The following ABCC11 variants were observed in gnomAD, a reference collection of about 807,000 sequenced individuals.
ABCC11 encodes the protein ATP-binding cassette sub-family C member 11.
Under a neutral mutation model 149.3 loss-of-function variants are expected in ABCC11, and 135 were observed. The ratio of observed to expected loss-of-function variants is 0.90; its 90% confidence interval spans 0.79 to 1.04. The LOEUF is 1.04. Among genes scored for constraint, ABCC11 ranks in the 50% least tolerant of loss-of-function variants. The pLI is 0.00. For missense variants in ABCC11, 1,680 were observed against 1,722.1 expected (o/e 0.98, Z 0.43); for synonymous variants, 665 against 671.4 (o/e 0.99, Z 0.15).
At chr16:48,232,966 G>C (rs1323956611) in intron 1 of ABCC11, among the ~76,000 whole-genome samples, 1 of 152,218 alleles carries the variant, frequency 6.6e-6, no homozygotes, top group African/African-American at 2.4e-5. Flanking sequence ...TTGGGAGGCT[G>C]AGGCGGGAGG....
At position 48,200,291 on chromosome 16, in the gene ABCC11, C is replaced by T. The variant is rs776582417; in HGVS notation, c.2067G>A (p.Val689=). ...GGGTGCTAACCTGCAGCTGGTGGGT[C>T]ACCAGGACGACCGTCTTCCCCCTGA... is the stretch of plus-strand genomic sequence containing the variant. ...KTLRGKTVVL[V]THQLQYLEFC... The change falls in exon 15 of 30, where the codon GTG becomes GTA. Residue 689 remains valine (V), a synonymous_variant. Transcript: ENST00000356608. 4.7e-5 allele frequency: 76 copies of T among 1,614,050 alleles called. No individual in the cohort carries two copies. The highest frequency in any genetic ancestry group is 1.0e-4 in the Admixed American group (6 of 60,024).
intron 11 of ABCC11, among the ~76,000 whole-genome samples, chr16:48,208,842 G>A (rs1968667249): frequency 6.6e-6 from 1 of 152,090 alleles, no homozygotes; most frequent in African/African-American, 2.4e-5. Flanking sequence ...TTGTGAAATG[G>A]GAATAAAGAA....
chr16:48,247,198 GC>G (rs1413292808), intron 1 of ABCC11, 115 bp downstream of exon 1: 1 of 151,280 alleles, frequency 6.6e-6, no homozygotes, highest in East Asian at 1.9e-4. Context: ...CTCTAATAGG[GC>G]CTTTAAAACA....
intron 28 of ABCC11, among the ~76,000 whole-genome samples, chr16:48,168,676 C>T (rs757230755): frequency 3.3e-5 from 5 of 152,098 alleles, no homozygotes; most frequent in African/African-American, 2.4e-5. Flanking sequence ...AGCCCTGTTC[C>T]GCCAAATTTT....
At position 48,176,979 on chromosome 16, in the gene ABCC11, G is replaced by T; in HGVS notation, c.3483C>A (p.Ile1161=). 1 of 1,614,220 alleles carries T rather than the reference G, an allele frequency of 6.2e-7. No homozygotes were observed. The highest frequency in any genetic ancestry group is 1.1e-5 in the South Asian group (1 of 91,080). ...CTTCGTGGCCGCGGATGGTCAGGTT[G>T]ATGCCGTGAAGCACGGTGGGTGTGT... ...RDNTPTVLHG[I]NLTIRGHEVV... The change falls in exon 25 of 30, where the codon ATC becomes ATA. Residue 1161 remains isoleucine (I), a synonymous_variant. Coordinates refer to ENST00000356608, the MANE Select transcript of ABCC11 (RefSeq NM_001370497.1).
chr16:48,179,965 A>C lies in ABCC11; in HGVS notation c.3259-1279T>G, dbSNP rs74016303. Among the ~76,000 whole-genome samples, 783 of 152,340 alleles carry C rather than the reference A, an allele frequency of 5.1e-3. 6 individuals are homozygous for C. Among genetic ancestry groups the C allele is most frequent in the African/African-American group, 0.018 (733 of 41,578 alleles). On this transcript the variant is annotated intron_variant, in intron 23 of 29. Transcript: ENST00000356608. ...GGGGAAGCCCTCTGTAAGTCAGAGA[A>C]GGTGGGCACCATGATGAAATGGTGC...
At chr16:48,201,356 C>A (rs911143466) in intron 14 of ABCC11, among the ~76,000 whole-genome samples, 1 of 152,164 alleles carries the variant, frequency 6.6e-6, no homozygotes, top group Non-Finnish European at 1.5e-5. Flanking sequence ...TCATGGCTTA[C>A]TGCGACCTCC....
intron 14 of ABCC11, among the ~76,000 whole-genome samples, chr16:48,202,275 T>C (rs1215853173): frequency 6.6e-6 from 1 of 152,140 alleles, no homozygotes; most frequent in Non-Finnish European, 1.5e-5. Flanking sequence ...AATAAGATCA[T>C]TGAGCTCTCT....
rs1433540890 is a variant in ABCC11, at chr16:48,167,617, G to C, written c.3935C>G (p.Thr1312Arg). 6.2e-7 allele frequency: 1 copy of C among 1,614,070 alleles called. No homozygotes were observed. Among genetic ancestry groups the C allele is most frequent in the Non-Finnish European group, 8.5e-7 (1 of 1,180,044 alleles). ...GATTGTGCGCTGGATCAGGGTGTCT[G>C]TCTCCATGTCAATGGAGGCTGTGGC... ...DEATASIDME[T>R]DTLIQRTIRE... The change falls in exon 29 of 30, where the codon ACA (threonine) becomes AGA (arginine). Residue 1312 changes from threonine (T) to arginine (R), a missense_variant. By Grantham distance (71) the Thr-to-Arg change is moderately conservative. Transcript: ENST00000356608.
chr16:48,212,750 G>C (rs956121949), intron 10 of ABCC11, among the ~76,000 whole-genome samples: 2 of 152,234 alleles, frequency 1.3e-5, no homozygotes, highest in East Asian at 3.8e-4. Context: ...GCATTAATGA[G>C]TGAATGAGTG....
chr16:48,213,392 G>T, intron 10 of ABCC11, 51 bp downstream of exon 10: 1 of 1,510,262 alleles, frequency 6.6e-7, no homozygotes, highest in Non-Finnish European at 9.2e-7. Context: ...GGGGCTGAAG[G>T]CAGAGGAGCG....
intron 1 of ABCC11, chr16:48,244,392 T>A: frequency 1.3e-6 from 2 of 1,547,320 alleles, no homozygotes; most frequent in Non-Finnish European, 1.7e-6. Flanking sequence ...TGCCAGCATG[T>A]CATCAGTGAG....
At chr16:48,170,729 C>T (rs1332560626) in intron 27 of ABCC11, among the ~76,000 whole-genome samples, 160 bp downstream of exon 27, 1 of 152,170 alleles carries the variant, frequency 6.6e-6, no homozygotes, top group Non-Finnish European at 1.5e-5. Flanking sequence ...GTGCCATCAG[C>T]CTTGACTTAG....
At chr16:48,204,673 C>T (rs1785027671) in intron 13 of ABCC11, among the ~76,000 whole-genome samples, 1 of 152,128 alleles carries the variant, frequency 6.6e-6, no homozygotes, top group Non-Finnish European at 1.5e-5. Flanking sequence ...ACAGAGACAG[C>T]CAGTTCCTAC....
At chr16:48,233,808 G>A (rs1055680821) in intron 1 of ABCC11, among the ~76,000 whole-genome samples, 3 of 152,182 alleles carry the variant, frequency 2.0e-5, no homozygotes, top group Non-Finnish European at 2.9e-5. Context: ...GTTGCAATTG[G>A]TGATTAAGTA....
At chr16:48,189,105 CAATTTTATTTCCAG>C (rs901014409) in intron 20 of ABCC11, among the ~76,000 whole-genome samples, 1 of 152,192 alleles carries the variant, frequency 6.6e-6, no homozygotes, top group African/African-American at 2.4e-5. Flanking sequence ...AAAATCCCTT[CAATTTTATTTCCAG>C]AATGTTTTAT....
intron 12 of ABCC11, 26 bp from the exon 13 acceptor site, chr16:48,205,563 G>A (rs1968366312): frequency 6.2e-7 from 1 of 1,611,466 alleles, no homozygotes; most frequent in Non-Finnish European, 8.5e-7. Flanking sequence ...TCCAGCCTCA[G>A]GACCAATTGG....
At chr16:48,216,318 G>A (rs1969341868) in intron 6 of ABCC11, 31 bp from the exon 7 acceptor site, 1 of 1,604,042 alleles carries the variant, frequency 6.2e-7, no homozygotes, top group Non-Finnish European at 8.5e-7. Flanking sequence ...GGGCACAGAT[G>A]TCACCTCCCT....
chr16:48,188,356 C>T (rs181406776), intron 20 of ABCC11, among the ~76,000 whole-genome samples: 1 of 152,242 alleles, frequency 6.6e-6, no homozygotes, highest in South Asian at 2.1e-4. Context: ...CCATCACCCC[C>T]AGTAGGGCAT....
Sources: gnomAD v4.1 joint callset for allele counts (sites outside exome capture counted in the v4.1 genomes callset) on GRCh38, gnomAD v4.1.1 for gene constraint, MANE v1.5 for transcripts, NCBI Gene and HGNC (gene_info 2026-07-23, HGNC 2026-07-21) for gene names.